FRYL: variants seen among roughly 807,000 people sequenced by gnomAD.
The protein encoded by FRYL is protein furry homolog-like.
A neutral mutation model predicts 351.2 loss-of-function variants in FRYL; 150 were observed. The observed-to-expected ratio is 0.43, with a 90% CI of 0.37 to 0.49. The LOEUF (loss-of-function observed/expected upper bound fraction) is 0.49. FRYL is among the 20% of genes least tolerant of loss of function. The pLI is 0.00. For synonymous variants in FRYL, 1,153 were observed against 1,257.1 expected (o/e 0.92, Z 1.75); for missense variants, 3,036 against 3,619.3 (o/e 0.84, Z 4.13).
Position 48,579,317 on chromosome 4 carries a change from TG to T in FRYL, c.2260-77del. 7 of 1,198,340 alleles carry T rather than the reference TG, an allele frequency of 5.8e-6. No individual in the cohort carries two copies. The South Asian group carries it at 1.1e-4, about 18-fold the overall frequency. 74.2% of individuals were successfully genotyped at this position (1,198,340 alleles called of 1,614,324 possible). On this transcript the variant is annotated intron_variant, in intron 22 of 63. Transcript: ENST00000358350. ...TTTTACCATATAAATTGCTTTAAAC[TG>T]AAAGTGGTGTATTAGTAGTTTCTAA...
At chr4:48,507,707 TA>T (rs2148742818) in intron 59 of FRYL, among the ~76,000 whole-genome samples, 1 of 150,974 alleles carries the variant, frequency 6.6e-6, no homozygotes, top group Non-Finnish European at 1.5e-5. Flanking sequence ...TTTTCAAAGA[TA>T]GATAGATGAT....
intron 4 of FRYL, among the ~76,000 whole-genome samples, chr4:48,631,441 CATT>C (rs377595565): frequency 3.3e-5 from 5 of 151,430 alleles, no homozygotes; most frequent in Admixed American, 6.6e-5. Context: ...AGAATGAAAA[CATT>C]ATTATTATTA....
chr4:48,711,582 C>A (rs1768047317), intron 1 of FRYL, among the ~76,000 whole-genome samples: 1 of 152,244 alleles, frequency 6.6e-6, no homozygotes, highest in African/African-American at 2.4e-5. Context: ...TGGGTGGAGC[C>A]CACCACAGCT....
chr4:48,507,470 A>C (rs1433965458), intron 59 of FRYL, among the ~76,000 whole-genome samples: 1 of 121,606 alleles, frequency 8.2e-6, no homozygotes, highest in Non-Finnish European at 1.8e-5. Flanking sequence ...AAAAGAAAGA[A>C]AGACCAATCC....
intron 1 of FRYL, among the ~76,000 whole-genome samples, chr4:48,718,043 C>T (rs986592619): frequency 2.6e-5 from 4 of 151,632 alleles, no homozygotes; most frequent in African/African-American, 7.3e-5. Context: ...AATCCTAAAA[C>T]CGTAGACAAG....
At chr4:48,564,192 T>C in intron 30 of FRYL, 90 bp from the exon 31 acceptor site, 1 of 1,300,174 alleles carries the variant, frequency 7.7e-7, no homozygotes, top group African/African-American at 1.5e-5. Flanking sequence ...ATATAGTGCA[T>C]ATATTCATTG....
chr4:48,756,740 T>C (rs1164722860), intron 1 of FRYL, among the ~76,000 whole-genome samples: 2 of 152,078 alleles, frequency 1.3e-5, no homozygotes, highest in East Asian at 1.9e-4. Context: ...TTGAGCTCAT[T>C]AGTTCAAGAC....
At chr4:48,575,383 G>T in intron 24 of FRYL, 142 bp from the exon 25 acceptor site, 1 of 853,668 alleles carries the variant, frequency 1.2e-6, no homozygotes, top group Non-Finnish European at 1.8e-6. Context: ...TTCACCTGGG[G>T]TGTACATAAC....
At chr4:48,511,103 T>A in intron 57 of FRYL, 119 bp from the exon 58 acceptor site, 1 of 560,938 alleles carries the variant, frequency 1.8e-6, no homozygotes, top group Non-Finnish European at 3.1e-6. Flanking sequence ...TATATAGAAC[T>A]TTAATCATTG....
At chr4:48,637,958 T>A (rs1189919544) in intron 3 of FRYL, 1 of 152,106 alleles carries the variant, frequency 6.6e-6, no homozygotes, top group Non-Finnish European at 1.5e-5. Context: ...AGATCTCAGC[T>A]TTTTTCTGAC....
intron 3 of FRYL, among the ~76,000 whole-genome samples, chr4:48,683,552 A>G (rs1764879517): frequency 6.6e-6 from 1 of 152,136 alleles, no homozygotes; most frequent in Non-Finnish European, 1.5e-5. Flanking sequence ...GATCCTTTCC[A>G]TGTAAAGCAT....
chr4:48,753,737 TA>T (rs1273551486), intron 1 of FRYL, among the ~76,000 whole-genome samples: 1 of 119,960 alleles, frequency 8.3e-6, no homozygotes, highest in African/African-American at 3.5e-5. Flanking sequence ...GATTTGCTCA[TA>T]TTTTTTAAGA....
Position 48,515,141 on chromosome 4 carries a change from A to G in FRYL, c.7824T>C (p.Pro2608=), listed in dbSNP as rs1393336931. 1.2e-6 allele frequency: 2 copies of G among 1,613,900 alleles called. No individual in the cohort carries two copies. Among genetic ancestry groups the G allele is most frequent in the Non-Finnish European group, 1.7e-6 (2 of 1,179,930 alleles). Residue 2608 remains proline (P), a synonymous_variant, in exon 56 of 64, where the codon CCT becomes CCC. Transcript: ENST00000358350. ...ACTCGGGGTAACTTTCAGGAGCTAG[A>G]GGCTCTGGCATTTCAGTTTCTTCTA... ...LDLEETEMPE[P]LAPESYPESV... is the part of the protein sequence containing the mutation.
chr4:48,754,404 G>A (rs1258094115), intron 1 of FRYL, among the ~76,000 whole-genome samples: 2 of 152,140 alleles, frequency 1.3e-5, no homozygotes, highest in African/African-American at 4.8e-5. Flanking sequence ...CATTTGGGTT[G>A]TTTCTACATT....
At chr4:48,596,251 T>C (rs1275992887) in intron 13 of FRYL, among the ~76,000 whole-genome samples, 1 of 152,118 alleles carries the variant, frequency 6.6e-6, no homozygotes, top group Non-Finnish European at 1.5e-5. Flanking sequence ...TTAAATAAAA[T>C]TATACTAGTA....
chr4:48,737,446 T>A (rs1771575429), intron 1 of FRYL, among the ~76,000 whole-genome samples: 4 of 152,056 alleles, frequency 2.6e-5, no homozygotes, highest in Admixed American at 2.6e-4. Context: ...AAATAGGCAA[T>A]CTTAATTGGC....
At chr4:48,628,635 T>C (rs542902564) in intron 4 of FRYL, among the ~76,000 whole-genome samples, 2 of 152,100 alleles carry the variant, frequency 1.3e-5, no homozygotes, top group African/African-American at 2.4e-5. Flanking sequence ...ATAGTAACAA[T>C]AATACATTAT....
At chr4:48,752,130 A>G (rs1239563543) in intron 1 of FRYL, among the ~76,000 whole-genome samples, 1 of 152,224 alleles carries the variant, frequency 6.6e-6, no homozygotes, top group Non-Finnish European at 1.5e-5. Context: ...GGACAATAGT[A>G]TTATATCGTA....
intron 60 of FRYL, 125 bp downstream of exon 60, chr4:48,505,422 C>T (rs1253524392): frequency 4.3e-6 from 3 of 691,080 alleles, no homozygotes; most frequent in South Asian, 3.2e-5. Flanking sequence ...TTTTGATAAC[C>T]AAAATGAAAA....
Sources: allele counts gnomAD v4.1 joint callset (sites outside exome capture counted in the v4.1 genomes callset), GRCh38; gene constraint gnomAD v4.1.1; transcripts MANE v1.5; gene names NCBI Gene and HGNC (gene_info 2026-07-23, HGNC 2026-07-21).